SNX29: variants seen among roughly 807,000 people sequenced by gnomAD.
SNX29 encodes the protein sorting nexin 29, also known as sorting nexin-29.
A neutral mutation model predicts 102.1 loss-of-function variants in SNX29; 78 were observed. That is an observed-to-expected ratio of 0.76 (90% CI 0.64 to 0.92). The LOEUF (loss-of-function observed/expected upper bound fraction) is 0.92, where lower values mean the gene tolerates loss of function less well. Ranked by LOEUF, SNX29 falls within the 40% of genes least tolerant of loss-of-function variation. The probability of loss-of-function intolerance (pLI) is 0.00; values close to 1 mark genes in which losing one functional copy is unlikely to be tolerated. For missense variants in SNX29, 1,280 were observed against 1,061.7 expected, an observed-to-expected ratio of 1.21 and a Z score of -2.86; for synonymous variants, 580 against 414.5, an observed-to-expected ratio of 1.40 and a Z score of -4.85.
chr16:12,555,703 G>C (rs996123523), intron 20 of SNX29, among the ~76,000 whole-genome samples: 4 of 152,056 alleles, frequency 2.6e-5, no homozygotes, highest in African/African-American at 9.7e-5. Flanking sequence ...TACTCTACGA[G>C]ATTCTCCCTG....
chr16:12,106,180 G>C (rs2053228670), intron 11 of SNX29, among the ~76,000 whole-genome samples: 1 of 152,174 alleles, frequency 6.6e-6, no homozygotes, highest in African/African-American at 2.4e-5. Context: ...GCCCTGTGTG[G>C]GCTGAGGGAG....
intron 20 of SNX29, among the ~76,000 whole-genome samples, chr16:12,567,327 A>T (rs548370112): frequency 6.6e-6 from 1 of 152,378 alleles, no homozygotes; most frequent in African/African-American, 2.4e-5. Flanking sequence ...CTGCGGACGC[A>T]GGAGTGGACA....
intron 13 of SNX29, among the ~76,000 whole-genome samples, chr16:12,197,939 G>T (rs867649791): frequency 3.3e-5 from 5 of 152,016 alleles, no homozygotes; most frequent in Non-Finnish European, 5.9e-5. Context: ...GTAGTCAGCT[G>T]CATTGAAAAC....
At chr16:12,507,444 T>C (rs149368987) in intron 19 of SNX29, among the ~76,000 whole-genome samples, 1 of 152,342 alleles carries the variant, frequency 6.6e-6, no homozygotes, top group Non-Finnish European at 1.5e-5. Context: ...ATGTTGGAAT[T>C]GAGCTAGCTG....
intron 20 of SNX29, among the ~76,000 whole-genome samples, chr16:12,534,922 A>C (rs1008992801): frequency 1.3e-5 from 2 of 152,250 alleles, no homozygotes; most frequent in African/African-American, 2.4e-5. Context: ...TGAGCATCCT[A>C]CACCTCACAG....
At chr16:12,551,868 A>G (rs1288519458) in intron 20 of SNX29, among the ~76,000 whole-genome samples, 2 of 152,090 alleles carry the variant, frequency 1.3e-5, no homozygotes, top group African/African-American at 4.8e-5. Context: ...GGCAGGTGAT[A>G]TTTCTAGCCT....
At chr16:12,567,311 G>C (rs1357809587) in intron 20 of SNX29, among the ~76,000 whole-genome samples, 1 of 150,802 alleles carries the variant, frequency 6.6e-6, no homozygotes, top group Admixed American at 6.6e-5. Context: ...CAGCAGCACA[G>C]AGGTGCTGCG....
intron 4 of SNX29, among the ~76,000 whole-genome samples, chr16:12,037,988 CAAAA>C (rs1228344871): frequency 1.3e-5 from 2 of 150,120 alleles, no homozygotes; most frequent in Non-Finnish European, 3.0e-5. Flanking sequence ...CAAAACAAAA[CAAAA>C]CAAAAAAAAC....
chr16:12,195,949 A>C lies in SNX29; in HGVS notation c.1596-3652A>C, dbSNP rs145667702. Among the ~76,000 whole-genome samples the C allele has an allele frequency of 3.5e-4, 50 of 142,860 alleles. 1 individual carries two copies. Among genetic ancestry groups the C allele is most frequent in the African/African-American group, 1.3e-3 (50 of 38,372 alleles). The allele number at this position is 142,860 out of a possible 152,430, so 93.7% of individuals were successfully genotyped here. A position where few individuals can be genotyped will look rare whatever the true frequency, so the allele number is the denominator to read the frequency against. ...CTTTGCTGGTTGTGAGTTTTTGGAT[A>C]GTTCAATTAGCCTCATTGAGCCTCA... On this transcript the variant is annotated intron_variant, in intron 13 of 20. Coordinates refer to ENST00000566228, the MANE Select transcript of SNX29 (RefSeq NM_032167.5).
chr16:12,296,598 A>G (rs137998910), intron 15 of SNX29, among the ~76,000 whole-genome samples: 1 of 152,334 alleles, frequency 6.6e-6, no homozygotes, highest in Non-Finnish European at 1.5e-5. Flanking sequence ...TGTGTCAATA[A>G]AACTTTATTT....
At chr16:12,008,094 C>A (rs2056518512) in intron 3 of SNX29, among the ~76,000 whole-genome samples, 1 of 152,106 alleles carries the variant, frequency 6.6e-6, no homozygotes, top group South Asian at 2.1e-4. Context: ...CAGACGCCCG[C>A]CACCATGCCC....
intron 3 of SNX29, among the ~76,000 whole-genome samples, chr16:12,003,554 G>T (rs370606955): frequency 3.3e-5 from 5 of 152,190 alleles, no homozygotes; most frequent in African/African-American, 1.2e-4. Context: ...AATTCTATGC[G>T]TATGGAGTGG....
In SNX29 at chr16:12,572,686, C is replaced by G. The variant is rs2079213176; in HGVS notation, c.*4057C>G. 1 of 1,063,818 alleles carries G rather than the reference C, an allele frequency of 9.4e-7. No homozygotes were observed. The highest frequency in any genetic ancestry group is 5.0e-5 in the East Asian group (1 of 19,904). 65.9% of individuals were successfully genotyped at this position (1,063,818 alleles called of 1,614,324 possible). A position where few individuals can be genotyped will look rare whatever the true frequency, so the allele number is the denominator to read the frequency against. On this transcript the variant is annotated 3_prime_UTR_variant, in exon 21 of 21. Transcript: ENST00000566228. ...CTGCAGCACCCACACGGGGGAAGCC[C>G]TGCACTCCAGCAGCATCTTCCAGCC... is the stretch of plus-strand genomic sequence containing the variant.
intron 14 of SNX29, among the ~76,000 whole-genome samples, chr16:12,205,875 T>A (rs138533945): frequency 6.6e-6 from 1 of 152,384 alleles, no homozygotes; most frequent in African/African-American, 2.4e-5. Flanking sequence ...GCACAGTGCT[T>A]GATCCATGAC....
intron 14 of SNX29, among the ~76,000 whole-genome samples, chr16:12,201,724 C>G (rs2076919636): frequency 6.6e-6 from 1 of 152,164 alleles, no homozygotes; most frequent in African/African-American, 2.4e-5. Context: ...ATGCAGGTGA[C>G]CTGTGGACAG....
chr16:12,555,009 C>T (rs1021511773), intron 20 of SNX29, among the ~76,000 whole-genome samples: 4 of 151,868 alleles, frequency 2.6e-5, no homozygotes, highest in Non-Finnish European at 5.9e-5. Context: ...CTTGCAGAGG[C>T]AGGCAGGAGT....
intron 20 of SNX29, among the ~76,000 whole-genome samples, chr16:12,566,076 C>G (rs1365507189): frequency 6.6e-6 from 1 of 152,224 alleles, no homozygotes; most frequent in African/African-American, 2.4e-5. Flanking sequence ...TCTCTAGGCA[C>G]TTGATCCCCA....
chr16:12,117,543 T>G (rs1345842610), intron 11 of SNX29, among the ~76,000 whole-genome samples: 1 of 152,218 alleles, frequency 6.6e-6, no homozygotes, highest in African/African-American at 2.4e-5. Flanking sequence ...AAGAGATGAT[T>G]CCGTTTCTGT....
chr16:12,382,393 T>C (rs1416581492), intron 16 of SNX29, among the ~76,000 whole-genome samples: 2 of 152,214 alleles, frequency 1.3e-5, no homozygotes, highest in African/African-American at 4.8e-5. Flanking sequence ...GAGCCCACAC[T>C]GCCTGCTTCC....
Sources: gnomAD v4.1 joint callset for allele counts (sites outside exome capture counted in the v4.1 genomes callset) on GRCh38, gnomAD v4.1.1 for gene constraint, MANE v1.5 for transcripts, NCBI Gene and HGNC (gene_info 2026-07-23, HGNC 2026-07-21) for gene names.